Variants in ZBTB16 observed in about 807,000 individuals in gnomAD.
ZBTB16 encodes the protein zinc finger and BTB domain-containing protein 16.
ZBTB16 carries 8 observed loss-of-function variants against 56.8 expected under a neutral mutation model. That is an observed-to-expected ratio of 0.14 (90% confidence interval 0.08 to 0.25). The LOEUF (loss-of-function observed/expected upper bound fraction) is 0.25, where lower values mean the gene tolerates loss of function less well. Ranked by LOEUF, ZBTB16 falls within the 10% of genes least tolerant of loss-of-function variation. The probability of loss-of-function intolerance (pLI) is 1.00; values close to 1 mark genes in which losing one functional copy is unlikely to be tolerated. For synonymous variants in ZBTB16, 363 were observed against 368.5 expected (o/e 0.98, Z 0.17); for missense variants, 625 against 903.0 (o/e 0.69, Z 3.95).
At chr11:114,189,142 G>C (rs1943433164) in intron 4 of ZBTB16, 1 of 152,232 alleles carries the variant, frequency 6.6e-6, no homozygotes, top group South Asian at 2.1e-4. Context: ...TGCATGTGCT[G>C]AGTCCTTTGG....
chr11:114,083,788 G>A (rs11214864), intron 2 of ZBTB16, among the ~76,000 whole-genome samples: 41,786 of 151,776 alleles, frequency 0.28, 6,410 homozygotes, highest in African/African-American at 0.39. Context: ...TATTCTTGAT[G>A]CCGCCCCCCC....
chr11:114,235,641 T>TCTTTCTTC (rs1944554044), intron 4 of ZBTB16, among the ~76,000 whole-genome samples: 5 of 21,514 alleles, frequency 2.3e-4, no homozygotes, highest in Non-Finnish European at 7.0e-4. Context: ...TTTCTTTCTT[T>TCTTTCTTC]CTTTCTTTCT....
intron 4 of ZBTB16, among the ~76,000 whole-genome samples, chr11:114,194,554 C>T (rs1943565541): frequency 6.6e-6 from 1 of 152,200 alleles, no homozygotes; most frequent in Non-Finnish European, 1.5e-5. Flanking sequence ...GATCATTTTA[C>T]ACCTTTTATA....
At chr11:114,085,799 A>T (rs1042341714) in intron 2 of ZBTB16, among the ~76,000 whole-genome samples, 2 of 152,046 alleles carry the variant, frequency 1.3e-5, no homozygotes, top group Non-Finnish European at 2.9e-5. Flanking sequence ...ATGGGGTAGG[A>T]TGGGAGATCA....
At chr11:114,179,286 G>GAGAGAGAGAT (rs1303712950) in intron 3 of ZBTB16, among the ~76,000 whole-genome samples, 3 of 151,766 alleles carry the variant, frequency 2.0e-5, no homozygotes, top group African/African-American at 2.4e-5. Context: ...GAGCTAGAGA[G>GAGAGAGAGAT]AGAGAGAGAG....
intron 2 of ZBTB16, among the ~76,000 whole-genome samples, chr11:114,106,079 C>T (rs74345537): frequency 0.02 from 3,032 of 152,284 alleles, 104 homozygotes; most frequent in African/African-American, 0.069. Context: ...CCTCTCCCCG[C>T]GTTCACCCCC....
chr11:114,233,081 G>GCACACACACACACACA (rs1198148768), intron 4 of ZBTB16, among the ~76,000 whole-genome samples: 2 of 87,478 alleles, frequency 2.3e-5, no homozygotes, highest in African/African-American at 8.7e-5. Context: ...GCGCGCGCGC[G>GCACACACACACACACA]CACACACACA....
chr11:114,205,422 A>T (rs1943843400), intron 4 of ZBTB16, among the ~76,000 whole-genome samples: 4 of 152,216 alleles, frequency 2.6e-5, no homozygotes, highest in African/African-American at 7.2e-5. Context: ...AAAAAAAAAA[A>T]AAAAATTTCT....
chr11:114,098,881 A>C (rs1940509836), intron 2 of ZBTB16, among the ~76,000 whole-genome samples: 1 of 152,176 alleles, frequency 6.6e-6, no homozygotes, highest in African/African-American at 2.4e-5. Flanking sequence ...ACAGTTTGGA[A>C]ATGCTAATGA....
At chr11:114,061,012 G>A (rs1010637440) in intron 1 of ZBTB16, among the ~76,000 whole-genome samples, 5 of 152,172 alleles carry the variant, frequency 3.3e-5, no homozygotes, top group African/African-American at 1.2e-4. Flanking sequence ...GACTGTCGCC[G>A]TTCCTCCCCG....
At chr11:114,117,269 G>C (rs1043287394) in intron 2 of ZBTB16, among the ~76,000 whole-genome samples, 1 of 152,132 alleles carries the variant, frequency 6.6e-6, no homozygotes, top group South Asian at 2.1e-4. Context: ...AGTCTTGCTT[G>C]TGCAGCAGAG....
At chr11:114,212,101 G>A (rs1009688325) in intron 4 of ZBTB16, among the ~76,000 whole-genome samples, 14 of 151,902 alleles carry the variant, frequency 9.2e-5, no homozygotes, top group Non-Finnish European at 2.1e-4. Context: ...TGGACCGGGC[G>A]AGCTGTGCAC....
chr11:114,234,774 C>T (rs1365694373), intron 4 of ZBTB16, among the ~76,000 whole-genome samples: 2 of 152,228 alleles, frequency 1.3e-5, no homozygotes, highest in African/African-American at 2.4e-5. Flanking sequence ...GCAGACAGAG[C>T]CTTCCTTCCT....
At chr11:114,191,388 C>T (rs547822008) in intron 4 of ZBTB16, among the ~76,000 whole-genome samples, 3 of 152,188 alleles carry the variant, frequency 2.0e-5, no homozygotes, top group East Asian at 3.9e-4. Flanking sequence ...GTTATAATTG[C>T]CTGCAGTGTT....
intron 4 of ZBTB16, among the ~76,000 whole-genome samples, chr11:114,232,717 C>T (rs902447498): frequency 6.6e-6 from 1 of 150,648 alleles, no homozygotes; most frequent in Non-Finnish European, 1.5e-5. Context: ...ATTTTTCAAT[C>T]GTGGGCCAAT....
At chr11:114,124,321 A>T (rs564738786) in intron 2 of ZBTB16, among the ~76,000 whole-genome samples, 1 of 152,094 alleles carries the variant, frequency 6.6e-6, no homozygotes, top group Non-Finnish European at 1.5e-5. Context: ...GTTCATGGCT[A>T]TGATGACTGA....
At chr11:114,209,383 TG>T in intron 4 of ZBTB16, 1 of 985,392 alleles carries the variant, frequency 1.0e-6, no homozygotes, top group Non-Finnish European at 1.2e-6. Context: ...TAATGGTGTC[TG>T]GGATTTGTGG....
At chr11:114,238,343 C>T (rs1337961702) in intron 4 of ZBTB16, among the ~76,000 whole-genome samples, 2 of 152,186 alleles carry the variant, frequency 1.3e-5, no homozygotes, top group Admixed American at 6.5e-5. Context: ...CAAACTGCCA[C>T]GGACTGGGTG....
chr11:114,096,213 T>G (rs1940400226), intron 2 of ZBTB16, among the ~76,000 whole-genome samples: 1 of 152,246 alleles, frequency 6.6e-6, no homozygotes, highest in Non-Finnish European at 1.5e-5. Flanking sequence ...TCGCTCGTTT[T>G]TATCTCCAGT....
Sources: allele counts gnomAD v4.1 joint callset (sites outside exome capture counted in the v4.1 genomes callset), GRCh38; gene constraint gnomAD v4.1.1; transcripts MANE v1.5; gene names NCBI Gene and HGNC (gene_info 2026-07-23, HGNC 2026-07-21).